The following ACAN variants were observed in gnomAD, a reference collection of about 807,000 sequenced individuals.
ACAN encodes aggrecan, also known as aggrecan core protein.
Under a neutral mutation model 169.1 loss-of-function variants are expected in ACAN, and 47 were observed. The observed-to-expected ratio is 0.28, with a 90% CI of 0.22 to 0.35. The LOEUF (loss-of-function observed/expected upper bound fraction) is 0.35. Ranked by LOEUF, ACAN falls within the 10% of genes least tolerant of loss-of-function variation. ACAN has a pLI of 1.00. For missense variants in ACAN, 2,716 were observed against 2,759.9 expected, an observed-to-expected ratio of 0.98 and a Z score of 0.36; for synonymous variants, 1,115 against 1,112.2, an observed-to-expected ratio of 1.00 and a Z score of -0.05.
chr15:88,858,603 G>A lies in ACAN; in HGVS notation c.6018G>A (p.Gly2006=), dbSNP rs1217034913. The stretch of plus-strand genomic sequence containing the variant: ...CACCAGGTACTCCATATTTTAGTGG[G>A]GATTTTGCCAGCACCACCAATGTAA... ...GEPPGTPYFS[G]DFASTTNVSG... is the part of the protein sequence containing the mutation. Residue 2006 remains glycine, a synonymous_variant, in exon 12 of 19, where the codon GGG becomes GGA. Coordinates refer to ENST00000560601, the MANE Select transcript of ACAN (RefSeq NM_001369268.1). The surrounding 1 kb of genome is among the most constrained non-coding windows in gnomAD (Gnocchi z 4.0). The A allele has an allele frequency of 1.2e-6, 2 of 1,613,786 alleles. No homozygotes were observed. Among genetic ancestry groups the A allele is most frequent in the Non-Finnish European group, 1.7e-6 (2 of 1,179,908 alleles).
At position 88,858,043 on chromosome 15, in the gene ACAN, A is replaced by G. The variant is rs758975213; in HGVS notation, c.5458A>G (p.Thr1820Ala). The G allele has an allele frequency of 3.1e-6, 5 of 1,613,900 alleles. No individual in the cohort carries two copies. Among genetic ancestry groups the G allele is most frequent in the Non-Finnish European group, 4.2e-6 (5 of 1,179,908 alleles). The change falls in exon 12 of 19, where the codon ACG becomes GCG. Residue 1820 changes from threonine (T) to alanine (A), a missense_variant. This residue lies in a region of ACAN where 1,389 missense variants were observed against 1,363.7 expected (regional missense o/e 1.02). Transcript: ENST00000560601. This position sits in a 1 kb window ranked among gnomAD's most constrained non-coding sequence, Gnocchi z 4.0. ...AGTCCCTGACCTGGTTTCTGGTACC[A>G]CGAGTGGCAGCGGTGAATCTTCTGG... ...SGVPDLVSGT[T>A]SGSGESSGIT...
Position 88,874,448 on chromosome 15 carries a change from CCCTCGG to C in ACAN, c.7675_7680del (p.Pro2559_Arg2560del). ...GACTACAGAAGCGGAGCTCACGGCA[CCCTCGG>C]AGGAGCCGCCCCAGCACAGCCCACT... On this transcript the variant is annotated inframe_deletion, in exon 19 of 19. Transcript: ENST00000560601. The surrounding 1 kb of genome is among the most constrained non-coding windows in gnomAD (Gnocchi z 7.3). The C allele has an allele frequency of 6.2e-7, 1 of 1,607,280 alleles. No individual in the cohort carries two copies.
In ACAN at chr15:88,843,873, A is replaced by G. The variant is rs1451870218; in HGVS notation, c.1051+225A>G. Among the ~76,000 whole-genome samples the G allele has an allele frequency of 1.3e-5, 2 of 152,198 alleles. No homozygotes were observed. Among genetic ancestry groups the G allele is most frequent in the Non-Finnish European group, 2.9e-5 (2 of 68,028 alleles). On this transcript the variant is annotated intron_variant, in intron 6 of 18. Transcript: ENST00000560601. This position sits in a 1 kb window ranked among gnomAD's most constrained non-coding sequence, Gnocchi z 4.0. ...GTATCTAGCTCTGTCTCATCGGATCAGCACAGACGAGGCTTAAAAACCTCC... is the reference window on the plus strand; with the variant it reads ...GTATCTAGCTCTGTCTCATCGGATCGGCACAGACGAGGCTTAAAAACCTCC...
intron 2 of ACAN, 41 bp downstream of exon 2, chr15:88,836,317 ATGAGTAGTGGGTT>A: frequency 6.5e-7 from 1 of 1,546,436 alleles, no homozygotes; most frequent in Non-Finnish European, 8.9e-7. Context: ...TTCAGTAGGC[ATGAGTAGTGGGTT>A]TGAGTACTGG....
chr15:88,857,341 C>T lies in ACAN; in HGVS notation c.4756C>T (p.Leu1586Phe). The T allele has an allele frequency of 1.2e-6, 2 of 1,613,892 alleles. No individual in the cohort carries two copies. The highest frequency in any genetic ancestry group is 1.1e-5 in the South Asian group (1 of 91,082). Reference protein sequence around the residue: ...LETSASGAEDLSGLPSGKEDL... With the variant: ...LETSASGAEDFSGLPSGKEDL... ...GACTTCAGCTTCTGGAGCTGAGGAC[C>T]TCAGTGGGTTGCCTTCTGGAAAAGA... Residue 1586 changes from leucine (L) to phenylalanine (F), a missense_variant, in exon 12 of 19, where the codon CTC becomes TTC. Physicochemically the swap from Leu to Phe is conservative, Grantham distance 22 (BLOSUM62 0). Around this residue, in one of 3 missense-constraint regions of ACAN, gnomAD observed 1,389 missense variants for 1,363.7 expected, o/e 1.02. Coordinates refer to ENST00000560601, the MANE Select transcript of ACAN (RefSeq NM_001369268.1).
At chr15:88,840,967 A>AC (rs1372153609) in intron 4 of ACAN, among the ~76,000 whole-genome samples, 35 of 152,062 alleles carry the variant, frequency 2.3e-4, no homozygotes, top group Non-Finnish European at 4.6e-4. Context: ...ACATGGTGAA[A>AC]CCCCATCTCT....
At chr15:88,828,322 C>T (rs1008042733) in intron 1 of ACAN, among the ~76,000 whole-genome samples, 1 of 152,128 alleles carries the variant, frequency 6.6e-6, no homozygotes, top group South Asian at 2.1e-4. Context: ...CATGCCACAT[C>T]GGCAGTCAGG....
At chr15:88,805,238 G>A (rs1352210198) in intron 1 of ACAN, among the ~76,000 whole-genome samples, 2 of 152,110 alleles carry the variant, frequency 1.3e-5, no homozygotes, top group Non-Finnish European at 2.9e-5. Flanking sequence ...ATGAAGATAC[G>A]GTTTAGGAGT....
intron 6 of ACAN, among the ~76,000 whole-genome samples, chr15:88,845,159 G>A (rs1363407017): frequency 6.6e-6 from 1 of 152,240 alleles, no homozygotes; most frequent in Non-Finnish European, 1.5e-5. Flanking sequence ...TACAGCATCA[G>A]ATGGTTGGTA....
Position 88,871,602 on chromosome 15 carries a change from C to T in ACAN, c.7219+62C>T, listed in dbSNP as rs1279761039. 2.6e-6 allele frequency: 4 copies of T among 1,536,354 alleles called. No individual in the cohort carries two copies. The highest frequency in any genetic ancestry group is 3.5e-6 in the Non-Finnish European group (4 of 1,141,588). On this transcript the variant is annotated intron_variant, in intron 15 of 18. Coordinates refer to ENST00000560601, the MANE Select transcript of ACAN (RefSeq NM_001369268.1). The surrounding 1 kb of genome is among the most constrained non-coding windows in gnomAD (Gnocchi z 7.8). ...GTGGCGGTGTAGGCAAAGGGCCTCA[C>T]CTTTCAGAAGGCAGCAGATTTGGGC...
At chr15:88,831,413 T>C (rs904542732) in intron 1 of ACAN, among the ~76,000 whole-genome samples, 2 of 152,252 alleles carry the variant, frequency 1.3e-5, no homozygotes, top group Non-Finnish European at 2.9e-5. Context: ...GGGCACCACC[T>C]AGGTGCTCAT....
At chr15:88,850,997 A>G (rs1480328665) in intron 10 of ACAN, 1 of 151,070 alleles carries the variant, frequency 6.6e-6, no homozygotes, top group Non-Finnish European at 1.5e-5. Context: ...GTCAAGTCCA[A>G]TTCTCTCCCA....
chr15:88,858,418 G>A lies in ACAN; in HGVS notation c.5833G>A (p.Val1945Ile). ...SLVDRTLVES[V>I]TQAPTAQEAG... is the part of the protein sequence containing the mutation. ...TGTAGACAGAACTTTGGTGGAATCTGTAACCCAGGCTCCAACAGCCCAAGA... is the reference window on the plus strand; with the variant it reads ...TGTAGACAGAACTTTGGTGGAATCTATAACCCAGGCTCCAACAGCCCAAGA... The change falls in exon 12 of 19, where the codon GTA becomes ATA. Residue 1945 changes from valine (V) to isoleucine (I), a missense_variant. By Grantham distance (29) the Val-to-Ile change is conservative. Transcript: ENST00000560601. The surrounding 1 kb of genome is among the most constrained non-coding windows in gnomAD (Gnocchi z 4.0). The A allele has an allele frequency of 6.2e-7, 1 of 1,613,712 alleles. No individual in the cohort carries two copies. The highest frequency in any genetic ancestry group is 8.5e-7 in the Non-Finnish European group (1 of 1,179,890).
chr15:88,874,956 AC>A lies in ACAN; in HGVS notation c.*477del, dbSNP rs1897477292. 1 of 298,826 alleles carries A rather than the reference AC, an allele frequency of 3.3e-6. No individual in the cohort carries two copies. Among genetic ancestry groups the A allele is most frequent in the Non-Finnish European group, 6.4e-6 (1 of 155,160 alleles). 18.5% of individuals were successfully genotyped at this position (298,826 alleles called of 1,614,324 possible). A position where few individuals can be genotyped will look rare whatever the true frequency, so the allele number is the denominator to read the frequency against. On this transcript the variant is annotated 3_prime_UTR_variant, in exon 19 of 19. Transcript: ENST00000560601. The surrounding 1 kb of genome is among the most constrained non-coding windows in gnomAD (Gnocchi z 7.3). ...GGCCTGAGAGCAGGAAGAACTCGGAACCGCAGCTGAATGTATTGGATGAGAA... is the reference window on the plus strand; with the variant it reads ...GGCCTGAGAGCAGGAAGAACTCGGAACGCAGCTGAATGTATTGGATGAGAA...
rs148018909 is a variant in ACAN at position 88,849,578 on chromosome 15, G to T, written c.1873G>T (p.Gly625Cys). 5 of 1,607,848 alleles carry T rather than the reference G, an allele frequency of 3.1e-6. No homozygotes were observed. Among genetic ancestry groups the T allele is most frequent in the Non-Finnish European group, 4.2e-6 (5 of 1,177,768 alleles). ...CCGCGGCCTGGACAAGTGCTATGCCGGCTGGCTGGCCGACGGCAGCCTCCG... is the reference window on the plus strand; with the variant it reads ...CCGCGGCCTGGACAAGTGCTATGCCTGCTGGCTGGCCGACGGCAGCCTCCG... Reference protein sequence around the residue: ...WSRGLDKCYAGWLADGSLRYP... With the variant: ...WSRGLDKCYACWLADGSLRYP... The change falls in exon 10 of 19, where the codon GGC (glycine) becomes TGC (cysteine). Residue 625 changes from glycine to cysteine, a missense_variant. Coordinates refer to ENST00000560601, the MANE Select transcript of ACAN (RefSeq NM_001369268.1). This position sits in a 1 kb window ranked among gnomAD's most constrained non-coding sequence, Gnocchi z 5.1.
intron 1 of ACAN, among the ~76,000 whole-genome samples, chr15:88,834,626 T>C (rs984955799): frequency 4.6e-5 from 7 of 152,222 alleles, no homozygotes; most frequent in Non-Finnish European, 1.0e-4. Flanking sequence ...CAAGGTTCCC[T>C]CCCTCTGTGA....
intron 1 of ACAN, among the ~76,000 whole-genome samples, chr15:88,816,442 G>T (rs1489072352): frequency 6.6e-6 from 1 of 152,218 alleles, no homozygotes. Flanking sequence ...GACTGGGCAG[G>T]TTGAGTAGAA....
In ACAN at chr15:88,873,966, C is replaced by T. The variant is rs1567195512; in HGVS notation, c.7572C>T (p.Pro2524=). The T allele has an allele frequency of 1.2e-6, 2 of 1,613,382 alleles. No homozygotes were observed. Among genetic ancestry groups the T allele is most frequent in the Non-Finnish European group, 1.7e-6 (2 of 1,179,876 alleles). ...CTEGFVQRHM[P]TIRCQPSGHW... ...AGGGGTTTGTCCAGCGCCACATGCCCACCATCCGGTGCCAGCCCAGCGGGC... is the reference window on the plus strand; with the variant it reads ...AGGGGTTTGTCCAGCGCCACATGCCTACCATCCGGTGCCAGCCCAGCGGGC... The change falls in exon 18 of 19, where the codon CCC becomes CCT. Residue 2524 remains proline, a synonymous_variant. Transcript: ENST00000560601. This position sits in a 1 kb window ranked among gnomAD's most constrained non-coding sequence, Gnocchi z 7.5.
rs148629590 is a variant in ACAN at position 88,866,702 on chromosome 15, G to A, written c.6947-1514G>A. 4.5e-3 allele frequency among the ~76,000 whole-genome samples: 687 copies of A among 152,256 alleles called. 34 individuals are homozygous for A. In the South Asian group the frequency reaches 0.1, roughly 22 times the overall value. ...TTCAGGCCACCTGTTGCACAAATCC[G>A]CCTCTGGCCTAGAAGATGTCTACTA... is the stretch of plus-strand genomic sequence containing the variant. On this transcript the variant is annotated intron_variant, in intron 13 of 18. Transcript: ENST00000560601. This position sits in a 1 kb window ranked among gnomAD's most constrained non-coding sequence, Gnocchi z 5.6.
Sources: gnomAD v4.1 joint callset for allele counts (sites outside exome capture counted in the v4.1 genomes callset) on GRCh38, gnomAD v4.1.1 for gene constraint, gnomAD v4.1.1 regional missense constraint, Gnocchi (gnomAD v3.1) non-coding constraint, MANE v1.5 for transcripts, NCBI Gene and HGNC (gene_info 2026-07-23, HGNC 2026-07-21) for gene names.